The following CSMD3 variants were observed in gnomAD, a reference collection of about 807,000 sequenced individuals.
The protein encoded by CSMD3 is CUB and sushi domain-containing protein 3.
Under a neutral mutation model 435.2 loss-of-function variants are expected in CSMD3, and 177 were observed. The ratio of observed to expected loss-of-function variants is 0.41; its 90% CI spans 0.36 to 0.46. The LOEUF is 0.46. Among genes scored for constraint, CSMD3 ranks in the 20% least tolerant of loss-of-function variants. CSMD3 has a pLI of 0.34. For synonymous variants in CSMD3, 1,656 were observed against 1,520.5 expected (o/e 1.09, Z -2.07); for missense variants, 4,265 against 4,504.6 (o/e 0.95, Z 1.52).
At chr8:112,534,619 C>G (rs1471069369) in intron 27 of CSMD3, among the ~76,000 whole-genome samples, 2 of 152,124 alleles carry the variant, frequency 1.3e-5, no homozygotes, top group African/African-American at 4.8e-5. Context: ...GAATTGGTAC[C>G]ATTCCTTCTG....
At chr8:113,087,264 T>C (rs967880927) in intron 5 of CSMD3, among the ~76,000 whole-genome samples, 5 of 152,000 alleles carry the variant, frequency 3.3e-5, no homozygotes, top group African/African-American at 1.2e-4. Context: ...ATCAATATCG[T>C]GAAAATGGCC....
chr8:112,869,734 G>C (rs1273341585), intron 10 of CSMD3, among the ~76,000 whole-genome samples: 1 of 152,148 alleles, frequency 6.6e-6, no homozygotes, highest in South Asian at 2.1e-4. Context: ...CCTTTGCAGG[G>C]ACATGGATGA....
intron 6 of CSMD3, among the ~76,000 whole-genome samples, chr8:113,011,703 G>C (rs993900047): frequency 6.6e-6 from 1 of 151,472 alleles, no homozygotes; most frequent in South Asian, 2.1e-4. Flanking sequence ...ATTTAAAATC[G>C]TTCTTGATTA....
chr8:113,162,372 C>G (rs1251207846), intron 4 of CSMD3, among the ~76,000 whole-genome samples: 3 of 151,806 alleles, frequency 2.0e-5, no homozygotes, highest in African/African-American at 7.3e-5. Context: ...TCGAGACCAG[C>G]CTGACCAACA....
intron 7 of CSMD3, among the ~76,000 whole-genome samples, chr8:112,955,170 T>C (rs899067867): frequency 3.3e-5 from 5 of 151,698 alleles, no homozygotes; most frequent in African/African-American, 4.8e-5. Flanking sequence ...TTCTTTAAAA[T>C]AAATTTCCTA....
At chr8:113,253,613 G>A (rs1049814588) in intron 3 of CSMD3, among the ~76,000 whole-genome samples, 3 of 151,800 alleles carry the variant, frequency 2.0e-5, no homozygotes, top group Non-Finnish European at 4.4e-5. Flanking sequence ...AGGCCGAGGC[G>A]GGCAGATAAC....
At position 112,907,734 on chromosome 8, in the gene CSMD3, T is replaced by A. The variant is rs2082301696; in HGVS notation, c.1633+13893A>T. ...GAAGAAATAAAGTTATAAAAAAAGT[T>A]CAGAGTCAATTTTTAGAGGCTCCAA... On this transcript the variant is annotated intron_variant, in intron 10 of 70. Transcript: ENST00000297405. Among the ~76,000 whole-genome samples the A allele has an allele frequency of 2.6e-5, 4 of 151,470 alleles. No individual in the cohort carries two copies. The South Asian group carries it at 8.3e-4, about 31-fold the overall frequency.
intron 36 of CSMD3, among the ~76,000 whole-genome samples, chr8:112,386,325 C>G (rs1829946146): frequency 6.6e-6 from 1 of 152,028 alleles, no homozygotes; most frequent in Non-Finnish European, 1.5e-5. Context: ...ATATAATTTG[C>G]CACTGGGATT....
intron 32 of CSMD3, among the ~76,000 whole-genome samples, chr8:112,422,270 T>C (rs1204231758): frequency 6.6e-6 from 1 of 152,148 alleles, no homozygotes; most frequent in Non-Finnish European, 1.5e-5. Context: ...TCATCCTAAA[T>C]GGCCAAATTA....
intron 1 of CSMD3, among the ~76,000 whole-genome samples, chr8:113,332,920 T>C (rs1257642723): frequency 6.6e-6 from 1 of 151,724 alleles, no homozygotes; most frequent in African/African-American, 2.4e-5. Context: ...ACTGGTGGCA[T>C]AAAGATGGAC....
intron 1 of CSMD3, among the ~76,000 whole-genome samples, chr8:113,342,288 T>C (rs1170987145): frequency 6.6e-6 from 1 of 152,180 alleles, no homozygotes; most frequent in Non-Finnish European, 1.5e-5. Flanking sequence ...TGTTTCCTAT[T>C]GCTTCCTAGC....
chr8:113,215,271 C>A (rs2092889799), intron 3 of CSMD3, among the ~76,000 whole-genome samples: 1 of 151,804 alleles, frequency 6.6e-6, no homozygotes, highest in South Asian at 2.1e-4. Context: ...TAAGCCAAGG[C>A]AGTGGTCAAC....
intron 38 of CSMD3, among the ~76,000 whole-genome samples, chr8:112,377,228 A>C (rs1237720244): frequency 1.3e-5 from 2 of 152,014 alleles, no homozygotes; most frequent in African/African-American, 4.8e-5. Flanking sequence ...GAACAATTAC[A>C]CACCGAAAAA....
At chr8:112,619,329 C>T (rs1344884299) in intron 22 of CSMD3, among the ~76,000 whole-genome samples, 4 of 151,744 alleles carry the variant, frequency 2.6e-5, no homozygotes, top group African/African-American at 9.7e-5. Flanking sequence ...CATCTAGTAG[C>T]TGCCTCATAC....
intron 12 of CSMD3, 143 bp from the exon 13 acceptor site, chr8:112,800,417 C>A: frequency 1.5e-6 from 1 of 676,522 alleles, no homozygotes; most frequent in South Asian, 1.6e-5. Flanking sequence ...GTTGATGTGA[C>A]AGAAGAAAAA....
At chr8:112,503,239 T>C (rs888762670) in intron 30 of CSMD3, among the ~76,000 whole-genome samples, 3 of 151,974 alleles carry the variant, frequency 2.0e-5, no homozygotes, top group Non-Finnish European at 4.4e-5. Flanking sequence ...ATGACACCCC[T>C]CTTGACTAAT....
chr8:113,356,514 A>G (rs1026548808), intron 1 of CSMD3, among the ~76,000 whole-genome samples: 3 of 152,058 alleles, frequency 2.0e-5, no homozygotes, highest in African/African-American at 7.2e-5. Context: ...TCATTTTCAC[A>G]CTCCTTTTCC....
At chr8:112,552,009 G>A (rs1586666261) in intron 26 of CSMD3, among the ~76,000 whole-genome samples, 1 of 151,972 alleles carries the variant, frequency 6.6e-6, no homozygotes, top group South Asian at 2.1e-4. Context: ...ACTTATCTAA[G>A]GGGTAGTAAC....
chr8:112,508,448 C>A (rs1822757390), intron 28 of CSMD3, among the ~76,000 whole-genome samples: 1 of 152,188 alleles, frequency 6.6e-6, no homozygotes, highest in Non-Finnish European at 1.5e-5. Flanking sequence ...GAATAAAATT[C>A]TTGTGAAACA....
Sources: allele counts gnomAD v4.1 joint callset (sites outside exome capture counted in the v4.1 genomes callset), GRCh38; gene constraint gnomAD v4.1.1; transcripts MANE v1.5; gene names NCBI Gene and HGNC (gene_info 2026-07-23, HGNC 2026-07-21).